TBC1D32: variants seen among roughly 807,000 people sequenced by gnomAD.
TBC1D32 encodes protein broad-minded.
In TBC1D32, 151 loss-of-function variants were observed where a neutral mutation model predicts 170.3. That is an observed-to-expected ratio of 0.89 (90% CI 0.78 to 1.01). The LOEUF is 1.01. TBC1D32 is among the 50% of genes least tolerant of loss of function. TBC1D32 has a pLI of 0.00. For missense variants in TBC1D32, 1,464 were observed against 1,457.1 expected (o/e 1.00, Z -0.08); for synonymous variants, 498 against 488.0 (o/e 1.02, Z -0.27).
At position 121,239,123 on chromosome 6, in the gene TBC1D32, C is replaced by G; in HGVS notation, c.2311G>C (p.Val771Leu). 6.2e-7 allele frequency: 1 copy of G among 1,605,678 alleles called. No homozygotes were observed. The highest frequency in any genetic ancestry group is 1.1e-5 in the South Asian group (1 of 89,942). Reference protein sequence around the residue: ...NLEYGRDDVRVTHPRTTPVDP... With the variant: ...NLEYGRDDVRLTHPRTTPVDP... ...ACTGGAGTAGTTCTGGGATGGGTTA[C>G]CCTAACATCATCTCTTCCATATTCC... is the stretch of plus-strand genomic sequence containing the variant. Residue 771 changes from valine to leucine, a missense_variant, in exon 20 of 32, where the codon GTA (valine) becomes CTA (leucine). Around this residue, in one of 3 missense-constraint regions of TBC1D32, gnomAD observed 1,363 missense variants for 1,338.1 expected, o/e 1.02. Transcript: ENST00000398212.
chr6:121,260,514 G>A (rs1414003778), intron 15 of TBC1D32, among the ~76,000 whole-genome samples: 5 of 149,562 alleles, frequency 3.3e-5, no homozygotes, highest in Non-Finnish European at 7.4e-5. Flanking sequence ...GAGGAAGGAA[G>A]AGCAGGGTGG....
chr6:121,147,045 A>G (rs1382904963), intron 24 of TBC1D32, among the ~76,000 whole-genome samples: 1 of 152,076 alleles, frequency 6.6e-6, no homozygotes, highest in Non-Finnish European at 1.5e-5. Context: ...TTCAATGTTT[A>G]GCTCCCACTT....
At chr6:121,175,602 A>G (rs984626948) in intron 22 of TBC1D32, among the ~76,000 whole-genome samples, 1 of 152,192 alleles carries the variant, frequency 6.6e-6, no homozygotes, top group Non-Finnish European at 1.5e-5. Context: ...TAATCATCGG[A>G]ACAGATGCTT....
chr6:121,309,427 T>C (rs180798856), intron 4 of TBC1D32, among the ~76,000 whole-genome samples: 120 of 152,240 alleles, frequency 7.9e-4, no homozygotes, highest in Admixed American at 2.9e-3. Context: ...TAAATCATAA[T>C]GCAAAATGTT....
chr6:121,137,096 A>G (rs1352095066), intron 24 of TBC1D32, among the ~76,000 whole-genome samples: 1 of 152,102 alleles, frequency 6.6e-6, no homozygotes, highest in Non-Finnish European at 1.5e-5. Flanking sequence ...AGAGGTTCTG[A>G]CTGCTTTCTG....
In TBC1D32 at chr6:121,233,602, A is replaced by G. The variant is rs537504041; in HGVS notation, c.2364+5468T>C. On this transcript the variant is annotated intron_variant, in intron 20 of 31. Coordinates refer to ENST00000398212, the MANE Select transcript of TBC1D32 (RefSeq NM_152730.6). ...TTATCTTAAGTTTATGTGAGTCCTTATGGGTTAGGTGAGTCTCCTGAAGAT... is the reference window on the plus strand; with the variant it reads ...TTATCTTAAGTTTATGTGAGTCCTTGTGGGTTAGGTGAGTCTCCTGAAGAT... Among the ~76,000 whole-genome samples the G allele has an allele frequency of 3.3e-5, 5 of 152,160 alleles. No individual in the cohort carries two copies. In the South Asian group the frequency reaches 1.0e-3, roughly 32 times the overall value.
chr6:121,206,365 T>A (rs1409989400), intron 21 of TBC1D32, among the ~76,000 whole-genome samples: 1 of 152,140 alleles, frequency 6.6e-6, no homozygotes, highest in Non-Finnish European at 1.5e-5. Flanking sequence ...TACTCTCCAG[T>A]GAGTTTAAAT....
chr6:121,272,204 C>T (rs1801546009), intron 15 of TBC1D32, among the ~76,000 whole-genome samples: 2 of 152,112 alleles, frequency 1.3e-5, no homozygotes, highest in Non-Finnish European at 2.9e-5. Flanking sequence ...TGGGCAAGGA[C>T]TTCATGACTA....
chr6:121,310,261 A>G (rs1807988050), intron 4 of TBC1D32, among the ~76,000 whole-genome samples: 1 of 152,134 alleles, frequency 6.6e-6, no homozygotes, highest in South Asian at 2.1e-4. Flanking sequence ...TGTTCTCACC[A>G]CAAAAATGAT....
intron 20 of TBC1D32, among the ~76,000 whole-genome samples, chr6:121,227,133 G>A: frequency 6.6e-6 from 1 of 152,186 alleles, no homozygotes; most frequent in East Asian, 1.9e-4. Context: ...ATTCAAAGCT[G>A]TCCTGGGCTG....
At chr6:121,268,538 T>C (rs1187843122) in intron 15 of TBC1D32, among the ~76,000 whole-genome samples, 3 of 152,016 alleles carry the variant, frequency 2.0e-5, no homozygotes, top group Non-Finnish European at 4.4e-5. Context: ...TGCATGAAAT[T>C]ACGCAAGAAG....
chr6:121,270,719 C>G (rs1463577013), intron 15 of TBC1D32, among the ~76,000 whole-genome samples: 1 of 152,106 alleles, frequency 6.6e-6, no homozygotes, highest in Admixed American at 6.6e-5. Flanking sequence ...TGAAACTATT[C>G]CAATCAATAG....
intron 22 of TBC1D32, among the ~76,000 whole-genome samples, chr6:121,173,256 G>T (rs1005146773): frequency 1.3e-5 from 2 of 152,064 alleles, no homozygotes; most frequent in African/African-American, 4.8e-5. Context: ...CTCCAACATT[G>T]AACTCCAAGT....
chr6:121,259,125 C>T (rs998465818), intron 15 of TBC1D32, among the ~76,000 whole-genome samples: 2 of 151,958 alleles, frequency 1.3e-5, no homozygotes, highest in African/African-American at 4.8e-5. Context: ...TGGCGAAACT[C>T]CATCTCTACT....
At chr6:121,222,471 C>T (rs1162479331) in intron 21 of TBC1D32, among the ~76,000 whole-genome samples, 1 of 151,866 alleles carries the variant, frequency 6.6e-6, no homozygotes, top group African/African-American at 2.4e-5. Flanking sequence ...TTGTATTTCA[C>T]GTCATATAAG....
rs188557494 is a variant in TBC1D32, at chr6:121,092,554, G to C, written c.3466-1513C>G. Among the ~76,000 whole-genome samples, 332 of 152,000 alleles carry C rather than the reference G, an allele frequency of 2.2e-3. 4 individuals carry two copies. Among genetic ancestry groups the C allele is most frequent in the African/African-American group, 7.5e-3 (312 of 41,496 alleles). On this transcript the variant is annotated intron_variant, in intron 30 of 31. Coordinates refer to ENST00000398212, the MANE Select transcript of TBC1D32 (RefSeq NM_152730.6). ...CAAACTAACACGTATTAGTTTGCTA[G>C]AACCACAGGCAGGGGGGGCTTAAAC...
intron 24 of TBC1D32, among the ~76,000 whole-genome samples, chr6:121,158,111 C>T (rs188801188): frequency 8.3e-4 from 127 of 152,240 alleles, no homozygotes; most frequent in Non-Finnish European, 1.5e-3. Flanking sequence ...TACACTCTCT[C>T]CTTCCCTCTC....
In TBC1D32 at chr6:121,140,331, C is replaced by CA. The variant is rs57301815; in HGVS notation, c.2774-8580dup. ...TAAAAAAAATTACATCAGGTTGGGG[C>CA]AAAAAAAAAAAAAGATACTATAGAG... On this transcript the variant is annotated intron_variant, in intron 24 of 31. Coordinates refer to ENST00000398212, the MANE Select transcript of TBC1D32 (RefSeq NM_152730.6). Among the ~76,000 whole-genome samples the CA allele has an allele frequency of 2.7e-3, 365 of 135,912 alleles. 1 individual carries two copies. The highest frequency in any genetic ancestry group is 5.9e-3 in the African/African-American group (231 of 39,176). The allele number at this position is 135,912 out of a possible 152,430, so 89.2% of individuals were successfully genotyped here. A position where few individuals can be genotyped will look rare whatever the true frequency, so the allele number is the denominator to read the frequency against.
intron 21 of TBC1D32, among the ~76,000 whole-genome samples, chr6:121,213,546 A>C (rs1382090427): frequency 7.6e-6 from 1 of 132,148 alleles, no homozygotes; most frequent in Non-Finnish European, 1.6e-5. Context: ...AATAAAATAA[A>C]ATAAAATAAA....
Sources: gnomAD v4.1 joint callset for allele counts (sites outside exome capture counted in the v4.1 genomes callset) on GRCh38, gnomAD v4.1.1 for gene constraint, gnomAD v4.1.1 regional missense constraint, MANE v1.5 for transcripts, NCBI Gene and HGNC (gene_info 2026-07-23, HGNC 2026-07-21) for gene names.